KHDRBS2: variants seen among roughly 807,000 people sequenced by gnomAD.
The protein encoded by KHDRBS2 is KH RNA binding domain containing, signal transduction associated 2, also known as KH domain-containing, RNA-binding, signal transduction-associated protein 2.
In KHDRBS2, 26 loss-of-function variants were observed where a neutral mutation model predicts 44.3. That is an observed-to-expected ratio of 0.59 (90% CI 0.43 to 0.81). KHDRBS2 has a LOEUF of 0.81. KHDRBS2 is among the 40% of genes least tolerant of loss of function. The pLI, the probability that KHDRBS2 is intolerant of heterozygous loss-of-function variation, is 0.00. For synonymous variants in KHDRBS2, 194 were observed against 151.1 expected (o/e 1.28, Z -2.08); for missense variants, 476 against 433.1 (o/e 1.10, Z -0.88).
In KHDRBS2 at chr6:62,286,029, G is replaced by C; in HGVS notation, c.-81C>G. 1 of 826,668 alleles carries C rather than the reference G, an allele frequency of 1.2e-6. No individual in the cohort carries two copies. The allele number at this position is 826,668 out of a possible 1,614,324, so 51.2% of individuals were successfully genotyped here. On this transcript the variant is annotated 5_prime_UTR_variant, in exon 1 of 9. Coordinates refer to ENST00000281156, the MANE Select transcript of KHDRBS2 (RefSeq NM_152688.4). ...CAGGCAGGGTCTTGGGGCAGCGCCT[G>C]GCTCCCGCGCTGCTCCTCCTCCGCG...
intron 1 of KHDRBS2, among the ~76,000 whole-genome samples, chr6:62,262,640 T>A (rs2150182631): frequency 6.6e-6 from 1 of 151,876 alleles, no homozygotes; most frequent in South Asian, 2.1e-4. Flanking sequence ...TCTGAAATTC[T>A]GATAAATTTT....
At chr6:61,554,729 C>A in the KHDRBS2 span, among the ~76,000 whole-genome samples, 1 of 152,172 alleles carries the variant, frequency 6.6e-6, no homozygotes, top group East Asian at 1.9e-4. Flanking sequence ...ATAGCATTTA[C>A]TTGCCTGAAA....
chr6:61,640,747 T>C, the KHDRBS2 span, among the ~76,000 whole-genome samples: 1 of 152,130 alleles, frequency 6.6e-6, no homozygotes, highest in African/African-American at 2.4e-5. Flanking sequence ...TCATCCTCAA[T>C]GTCACAGAAG....
chr6:61,712,979 C>A (rs771634446), intron 7 of KHDRBS2, among the ~76,000 whole-genome samples: 1 of 151,430 alleles, frequency 6.6e-6, no homozygotes, highest in Non-Finnish European at 1.5e-5. Flanking sequence ...AAGAATTAAG[C>A]AACAAAATTC....
At chr6:62,096,741 T>A (rs556939063) in intron 2 of KHDRBS2, among the ~76,000 whole-genome samples, 1 of 152,038 alleles carries the variant, frequency 6.6e-6, no homozygotes, top group South Asian at 2.1e-4. Context: ...TCTTTATTAT[T>A]TCTTTCTGTT....
intron 1 of KHDRBS2, among the ~76,000 whole-genome samples, chr6:62,269,669 T>A (rs1443066967): frequency 6.6e-6 from 1 of 152,072 alleles, no homozygotes; most frequent in Non-Finnish European, 1.5e-5. Flanking sequence ...TCTAGAAAAC[T>A]GTTTGGCAAT....
the KHDRBS2 span, among the ~76,000 whole-genome samples, chr6:61,575,469 C>A: frequency 6.6e-6 from 1 of 152,092 alleles, no homozygotes; most frequent in Non-Finnish European, 1.5e-5. Flanking sequence ...GATGTTGGCA[C>A]GTAAATGGTA....
intron 1 of KHDRBS2, among the ~76,000 whole-genome samples, chr6:62,267,991 T>C (rs1166152481): frequency 6.6e-6 from 1 of 152,100 alleles, no homozygotes; most frequent in Non-Finnish European, 1.5e-5. Context: ...TATCAACACA[T>C]AGCTTTTGAA....
chr6:62,078,214 G>A (rs1406979820), intron 2 of KHDRBS2, among the ~76,000 whole-genome samples: 1 of 151,962 alleles, frequency 6.6e-6, no homozygotes, highest in African/African-American at 2.4e-5. Flanking sequence ...AAGTGATTGA[G>A]AAATTCAGAA....
intron 7 of KHDRBS2, among the ~76,000 whole-genome samples, chr6:61,712,596 T>C (rs1241506607): frequency 2.6e-5 from 4 of 151,874 alleles, no homozygotes; most frequent in Non-Finnish European, 5.9e-5. Context: ...GTTTAAAGTT[T>C]GGACCTTTTA....
intron 1 of KHDRBS2, among the ~76,000 whole-genome samples, chr6:62,209,871 G>A (rs149861318): frequency 1.5e-3 from 225 of 152,268 alleles, no homozygotes; most frequent in African/African-American, 5.3e-3. Context: ...ATTCACACCA[G>A]TGATTTGCCA....
intron 6 of KHDRBS2, among the ~76,000 whole-genome samples, chr6:61,796,500 C>G (rs1050076759): frequency 3.9e-5 from 6 of 151,996 alleles, no homozygotes; most frequent in African/African-American, 1.4e-4. Flanking sequence ...AAGGCATATT[C>G]TTACATTTAC....
At chr6:61,604,327 G>C in the KHDRBS2 span, among the ~76,000 whole-genome samples, 4 of 150,428 alleles carry the variant, frequency 2.7e-5, no homozygotes, top group African/African-American at 9.7e-5. Flanking sequence ...TGCTTATGCT[G>C]ATAAGGTAGC....
chr6:61,579,384 CA>C, the KHDRBS2 span, among the ~76,000 whole-genome samples: 157 of 152,314 alleles, frequency 1.0e-3, no homozygotes, highest in African/African-American at 3.7e-3. Flanking sequence ...GGAACCAAAG[CA>C]AACTCCTTAG....
chr6:61,807,897 T>C (rs1291470000), intron 6 of KHDRBS2, among the ~76,000 whole-genome samples: 1 of 152,012 alleles, frequency 6.6e-6, no homozygotes, highest in Non-Finnish European at 1.5e-5. Context: ...ACTCAGTGTG[T>C]TACATACGGA....
rs74611101 is a variant in KHDRBS2 at position 62,257,342 on chromosome 6, T to A, written c.91+28516A>T. ...GCAATATTGACTAGCACATAACCAG[T>A]GCTATACACACTGATTCCTTCTTTT... On this transcript the variant is annotated intron_variant, in intron 1 of 8. Coordinates refer to ENST00000281156, the MANE Select transcript of KHDRBS2 (RefSeq NM_152688.4). 3.7e-4 allele frequency among the ~76,000 whole-genome samples: 56 copies of A among 152,148 alleles called. 1 individual carries two copies. The East Asian group carries it at 0.01, about 27-fold the overall frequency.
chr6:61,657,290 A>G, the KHDRBS2 span, among the ~76,000 whole-genome samples: 3 of 151,998 alleles, frequency 2.0e-5, no homozygotes, highest in Non-Finnish European at 4.4e-5. Flanking sequence ...AGAACAATGA[A>G]AATCAAAGCT....
At chr6:62,044,894 T>TTGTCA (rs1317311607) in intron 3 of KHDRBS2, among the ~76,000 whole-genome samples, 2 of 152,114 alleles carry the variant, frequency 1.3e-5, no homozygotes, top group Non-Finnish European at 2.9e-5. Context: ...TCAACATACA[T>TTGTCA]ACCCATACAT....
chr6:61,618,628 A>G, the KHDRBS2 span, among the ~76,000 whole-genome samples: 3,933 of 152,170 alleles, frequency 0.026, 66 homozygotes, highest in Non-Finnish European at 0.04. Flanking sequence ...CTTCACACCC[A>G]TCACACTCTG....
Sources: gnomAD v4.1 joint callset for allele counts (sites outside exome capture counted in the v4.1 genomes callset) on GRCh38, gnomAD v4.1.1 for gene constraint, MANE v1.5 for transcripts, NCBI Gene and HGNC (gene_info 2026-07-23, HGNC 2026-07-21) for gene names.